The following VPS13B variants were observed in gnomAD, a reference collection of about 807,000 sequenced individuals.
VPS13B encodes vacuolar protein sorting 13 homolog B.
VPS13B carries 285 observed loss-of-function variants against 426.4 expected under a neutral mutation model. The observed-to-expected ratio is 0.67, with a 90% CI of 0.61 to 0.74. VPS13B has a LOEUF of 0.74. VPS13B is among the 30% of genes least tolerant of loss of function. The pLI, the probability that VPS13B is intolerant of heterozygous loss-of-function variation, is 0.00. For synonymous variants in VPS13B, 1,676 were observed against 1,676.4 expected (o/e 1.00, Z 0.01); for missense variants, 4,537 against 4,782.6 (o/e 0.95, Z 1.51).
At chr8:99,646,198 T>A (rs1208847633) in intron 34 of VPS13B, among the ~76,000 whole-genome samples, 1 of 152,204 alleles carries the variant, frequency 6.6e-6, no homozygotes, top group Non-Finnish European at 1.5e-5. Flanking sequence ...TTCCACAGTG[T>A]TCATATGTTT....
intron 56 of VPS13B, among the ~76,000 whole-genome samples, chr8:99,857,116 T>G (rs1816587318): frequency 6.6e-6 from 1 of 152,198 alleles, no homozygotes; most frequent in Non-Finnish European, 1.5e-5. Context: ...CTGTCTGCCC[T>G]TTTCTGACCA....
chr8:99,514,070 CTTCT>C (rs1821929974), intron 29 of VPS13B, among the ~76,000 whole-genome samples: 1 of 152,110 alleles, frequency 6.6e-6, no homozygotes, highest in African/African-American at 2.4e-5. Context: ...CATTGCAGAG[CTTCT>C]TTGACTCAAA....
chr8:99,202,493 C>G (rs1480592944), intron 17 of VPS13B, among the ~76,000 whole-genome samples: 1 of 152,046 alleles, frequency 6.6e-6, no homozygotes, highest in Non-Finnish European at 1.5e-5. Flanking sequence ...AAAACTAAGC[C>G]AGAAAGAAGT....
At chr8:99,571,562 A>G (rs1163510878) in intron 31 of VPS13B, among the ~76,000 whole-genome samples, 4 of 152,184 alleles carry the variant, frequency 2.6e-5, no homozygotes, top group African/African-American at 9.7e-5. Context: ...AGAAATGTAT[A>G]ATATGGACAA....
At chr8:99,563,286 TAAG>T (rs1472929344) in intron 31 of VPS13B, among the ~76,000 whole-genome samples, 2 of 152,224 alleles carry the variant, frequency 1.3e-5, no homozygotes, top group African/African-American at 4.8e-5. Context: ...ATATGTCCTG[TAAG>T]AAGTTCAGCA....
At chr8:99,604,169 CTT>C (rs1827456805) in intron 33 of VPS13B, among the ~76,000 whole-genome samples, 2 of 151,866 alleles carry the variant, frequency 1.3e-5, no homozygotes, top group Admixed American at 6.6e-5. Flanking sequence ...GAATGTAGCT[CTT>C]TTAAAATTTT....
chr8:99,064,662 G>A (rs1412612679), intron 3 of VPS13B, among the ~76,000 whole-genome samples: 1 of 152,202 alleles, frequency 6.6e-6, no homozygotes, highest in African/African-American at 2.4e-5. Flanking sequence ...GGGGAGAATG[G>A]AACCAAGTTG....
At chr8:99,378,417 C>T (rs573952147) in intron 19 of VPS13B, among the ~76,000 whole-genome samples, 170 of 152,026 alleles carry the variant, frequency 1.1e-3, no homozygotes, top group African/African-American at 3.7e-3. Flanking sequence ...AGTCCTGAGG[C>T]GACATACATC....
At chr8:99,653,899 A>G (rs1396888220) in intron 34 of VPS13B, among the ~76,000 whole-genome samples, 1 of 152,092 alleles carries the variant, frequency 6.6e-6, no homozygotes, top group African/African-American at 2.4e-5. Flanking sequence ...AGAGCATGTG[A>G]AATACTGCTT....
At chr8:99,484,513 A>G (rs1201284040) in intron 25 of VPS13B, among the ~76,000 whole-genome samples, 1 of 152,124 alleles carries the variant, frequency 6.6e-6, no homozygotes, top group Admixed American at 6.6e-5. Context: ...AGTACCTTAA[A>G]ACAATTTAGC....
intron 31 of VPS13B, among the ~76,000 whole-genome samples, chr8:99,564,593 C>A (rs1006906166): frequency 1.3e-5 from 2 of 152,144 alleles, no homozygotes; most frequent in Non-Finnish European, 1.5e-5. Flanking sequence ...CCAGAATCTG[C>A]CAGCACCTTT....
intron 3 of VPS13B, among the ~76,000 whole-genome samples, chr8:99,086,608 T>C (rs974668458): frequency 1.3e-5 from 2 of 152,206 alleles, no homozygotes; most frequent in African/African-American, 4.8e-5. Flanking sequence ...CTTTGGTCTT[T>C]GATGATGGTG....
At chr8:99,442,998 T>G (rs1471719573) in intron 23 of VPS13B, among the ~76,000 whole-genome samples, 3 of 152,110 alleles carry the variant, frequency 2.0e-5, no homozygotes, top group Admixed American at 2.0e-4. Flanking sequence ...TGAATGTATT[T>G]TAAATATATA....
rs1273929509 is a variant in VPS13B at position 99,877,568 on chromosome 8, A to G, written c.*1902A>G. 1 of 152,314 alleles carries G rather than the reference A, an allele frequency of 6.6e-6. No individual in the cohort carries two copies. Among genetic ancestry groups the G allele is most frequent in the Non-Finnish European group, 1.5e-5 (1 of 68,032 alleles). 9.4% of individuals were successfully genotyped at this position (152,314 alleles called of 1,614,324 possible). ...ATACAGGTTTTGTTATAATAAAGTT[A>G]CTGATTAAATTAGCTTTGAATAAGT... On this transcript the variant is annotated 3_prime_UTR_variant, in exon 62 of 62. Transcript: ENST00000357162.
intron 3 of VPS13B, among the ~76,000 whole-genome samples, chr8:99,093,622 A>C (rs998572888): frequency 1.3e-5 from 2 of 150,534 alleles, no homozygotes; most frequent in Non-Finnish European, 2.9e-5. Context: ...GAGTGAGAAT[A>C]TGCGGTGTTT....
intron 49 of VPS13B, 135 bp downstream of exon 49, chr8:99,820,257 G>C: frequency 1.2e-6 from 1 of 817,780 alleles, no homozygotes; most frequent in Non-Finnish European, 1.9e-6. Flanking sequence ...AAGAGGTATG[G>C]AATGTTCTTT....
chr8:99,159,627 T>G lies in VPS13B; in HGVS notation c.2208+2884T>G, dbSNP rs147753279. On this transcript the variant is annotated intron_variant, in intron 15 of 61. Transcript: ENST00000357162. ...AAAAAGGTTATTACTTGCTGAAGGT[T>G]GAGATGGTCATTAGCATTTTTTAGC... Among the ~76,000 whole-genome samples the G allele has an allele frequency of 6.8e-4, 104 of 152,304 alleles. 1 individual carries two copies. The highest frequency in any genetic ancestry group is 1.6e-3 in the Admixed American group (24 of 15,296).
intron 33 of VPS13B, among the ~76,000 whole-genome samples, chr8:99,616,091 A>G (rs920658885): frequency 6.6e-6 from 1 of 152,164 alleles, no homozygotes; most frequent in African/African-American, 2.4e-5. Context: ...AGCATACCAC[A>G]TGATTATTAT....
At chr8:99,643,581 G>A (rs894208965) in intron 34 of VPS13B, among the ~76,000 whole-genome samples, 1 of 152,090 alleles carries the variant, frequency 6.6e-6, no homozygotes, top group Non-Finnish European at 1.5e-5. Flanking sequence ...GTAACCTAGG[G>A]TTACCCCCAG....
Sources: allele counts gnomAD v4.1 joint callset (sites outside exome capture counted in the v4.1 genomes callset), GRCh38; gene constraint gnomAD v4.1.1; transcripts MANE v1.5; gene names NCBI Gene and HGNC (gene_info 2026-07-23, HGNC 2026-07-21).